The following LPP variants were observed in gnomAD, a reference collection of about 807,000 sequenced individuals.
LPP encodes LIM domain containing preferred translocation partner in lipoma.
A neutral mutation model predicts 60.4 loss-of-function variants in LPP; 38 were observed. The ratio of observed to expected loss-of-function variants is 0.63; its 90% confidence interval spans 0.49 to 0.83. The LOEUF (loss-of-function observed/expected upper bound fraction) is 0.83. LPP is among the 40% of genes least tolerant of loss of function. The pLI is 0.00. For synonymous variants in LPP, 328 were observed against 290.8 expected (o/e 1.13, Z -1.30); for missense variants, 902 against 783.6 (o/e 1.15, Z -1.80).
At chr3:188,763,094 T>A (rs1732937794) in intron 9 of LPP, among the ~76,000 whole-genome samples, 1 of 152,204 alleles carries the variant, frequency 6.6e-6, no homozygotes, top group Non-Finnish European at 1.5e-5. Flanking sequence ...CCTAGAACTA[T>A]GCGTCTCTCT....
intron 10 of LPP, among the ~76,000 whole-genome samples, chr3:188,870,172 GTA>G (rs138629189): frequency 2.6e-5 from 4 of 151,148 alleles, no homozygotes; most frequent in East Asian, 3.9e-4. Flanking sequence ...GTGTGTTTGT[GTA>G]TATATATATA....
At chr3:188,645,913 TA>T (rs1243471405) in intron 7 of LPP, among the ~76,000 whole-genome samples, 2 of 152,054 alleles carry the variant, frequency 1.3e-5, no homozygotes, top group Admixed American at 6.6e-5. Context: ...AATCATTAGG[TA>T]AAAGTAGAAT....
chr3:188,674,735 A>G (rs116770586), intron 7 of LPP, among the ~76,000 whole-genome samples: 1,894 of 152,312 alleles, frequency 0.012, 39 homozygotes, highest in African/African-American at 0.044. Flanking sequence ...GAGCCCAGAG[A>G]TATTAAATAC....
At chr3:188,211,739 A>G (rs562874846) in intron 1 of LPP, among the ~76,000 whole-genome samples, 2 of 152,048 alleles carry the variant, frequency 1.3e-5, no homozygotes, top group South Asian at 2.1e-4. Flanking sequence ...GTCTGTGCCC[A>G]TGAAGGACTC....
At chr3:188,817,193 G>A (rs1752695518) in intron 9 of LPP, among the ~76,000 whole-genome samples, 1 of 152,172 alleles carries the variant, frequency 6.6e-6, no homozygotes, top group African/African-American at 2.4e-5. Flanking sequence ...TTGTAAAAAT[G>A]CCCTGTGTTG....
At chr3:188,279,645 C>A (rs933336238) in intron 2 of LPP, among the ~76,000 whole-genome samples, 1 of 152,198 alleles carries the variant, frequency 6.6e-6, no homozygotes, top group African/African-American at 2.4e-5. Flanking sequence ...ATTTCTGTAT[C>A]TTCTGGGTGT....
chr3:188,494,647 A>G (rs572363688), intron 5 of LPP, among the ~76,000 whole-genome samples: 2 of 152,026 alleles, frequency 1.3e-5, no homozygotes, highest in Non-Finnish European at 2.9e-5. Flanking sequence ...TGAGGAGTTC[A>G]TCACAGAAAA....
At chr3:188,431,948 C>G (rs1791002183) in intron 4 of LPP, among the ~76,000 whole-genome samples, 1 of 152,160 alleles carries the variant, frequency 6.6e-6, no homozygotes, top group South Asian at 2.1e-4. Context: ...ACCCCATGTC[C>G]TTTCATTCTA....
chr3:188,391,218 G>A (rs750402695), intron 3 of LPP, among the ~76,000 whole-genome samples: 6 of 152,156 alleles, frequency 3.9e-5, no homozygotes, highest in Non-Finnish European at 7.3e-5. Flanking sequence ...GCTAGCGTGC[G>A]GAGATCAGAC....
At chr3:188,456,679 G>A (rs1579039807) in intron 4 of LPP, among the ~76,000 whole-genome samples, 2 of 152,226 alleles carry the variant, frequency 1.3e-5, no homozygotes, top group Non-Finnish European at 2.9e-5. Context: ...CGGCTTCTGA[G>A]TTTAAGAAGA....
At chr3:188,291,577 C>T (rs1174258269) in intron 2 of LPP, among the ~76,000 whole-genome samples, 2 of 141,514 alleles carry the variant, frequency 1.4e-5, no homozygotes, top group South Asian at 2.3e-4. Context: ...ACCCAGGAGG[C>T]GGAGCTTGCA....
intron 1 of LPP, among the ~76,000 whole-genome samples, chr3:188,155,065 G>A (rs1056540002): frequency 6.6e-6 from 1 of 152,118 alleles, no homozygotes; most frequent in Non-Finnish European, 1.5e-5. Context: ...AAATGGAGAT[G>A]AAAGTATAAA....
chr3:188,629,234 G>T (rs1439977363), intron 7 of LPP, among the ~76,000 whole-genome samples: 2 of 152,012 alleles, frequency 1.3e-5, no homozygotes, highest in African/African-American at 4.8e-5. Flanking sequence ...ATTCAACATA[G>T]TACTGGAAAT....
intron 9 of LPP, among the ~76,000 whole-genome samples, chr3:188,780,514 T>A (rs969640717): frequency 6.6e-6 from 1 of 152,154 alleles, no homozygotes; most frequent in African/African-American, 2.4e-5. Context: ...AGGAATCATC[T>A]GTGAAGTTGG....
At chr3:188,740,071 A>G (rs1197084041) in intron 8 of LPP, among the ~76,000 whole-genome samples, 2 of 152,064 alleles carry the variant, frequency 1.3e-5, no homozygotes, top group Admixed American at 6.6e-5. Context: ...ATCCATGTGT[A>G]TGGAAGGCCA....
chr3:188,652,882 C>A (rs900688303), intron 7 of LPP, among the ~76,000 whole-genome samples: 3 of 152,206 alleles, frequency 2.0e-5, no homozygotes, highest in Non-Finnish European at 4.4e-5. Flanking sequence ...TGTCTAGGAG[C>A]TACTTCTACA....
intron 4 of LPP, among the ~76,000 whole-genome samples, chr3:188,477,941 C>G (rs1395654841): frequency 1.3e-5 from 2 of 152,032 alleles, no homozygotes; most frequent in Non-Finnish European, 2.9e-5. Flanking sequence ...CTTTCTGGTA[C>G]AGTTTTCTTG....
intron 7 of LPP, among the ~76,000 whole-genome samples, chr3:188,665,118 A>G (rs1855478170): frequency 6.6e-6 from 1 of 152,258 alleles, no homozygotes; most frequent in Middle Eastern, 3.4e-3. Flanking sequence ...GTATTGTTTT[A>G]TGTTTTCTGT....
intron 3 of LPP, among the ~76,000 whole-genome samples, chr3:188,346,279 A>ATTTTTTTTTTTTTTTTTT (rs1764353289): frequency 6.3e-5 from 2 of 31,986 alleles, no homozygotes; most frequent in African/African-American, 4.0e-4. Flanking sequence ...TTTTTTTTTG[A>ATTTTTTTTTTTTTTTTTT]GACGGAGTCT....
Sources: gnomAD v4.1 joint callset for allele counts (sites outside exome capture counted in the v4.1 genomes callset) on GRCh38, gnomAD v4.1.1 for gene constraint, MANE v1.5 for transcripts, NCBI Gene and HGNC (gene_info 2026-07-23, HGNC 2026-07-21) for gene names.